DNM3: variants seen among roughly 807,000 people sequenced by gnomAD.
DNM3 encodes the protein dynamin 3.
In DNM3, 47 loss-of-function variants were observed where a neutral mutation model predicts 101.6. That is an observed-to-expected ratio of 0.46 (90% CI 0.37 to 0.59). The LOEUF is 0.59. DNM3 is among the 20% of genes least tolerant of loss of function. The pLI is 0.00. For missense variants in DNM3, 849 were observed against 1,085.7 expected (o/e 0.78, Z 3.06); for synonymous variants, 385 against 387.9 (o/e 0.99, Z 0.09).
intron 2 of DNM3, among the ~76,000 whole-genome samples, chr1:171,944,701 A>T (rs987474348): frequency 2.0e-5 from 3 of 151,850 alleles, no homozygotes; most frequent in African/African-American, 7.3e-5. Flanking sequence ...ATACAATTAA[A>T]TTTTTGTTAA....
At chr1:172,369,328 A>C (rs1177154970) in intron 17 of DNM3, among the ~76,000 whole-genome samples, 1 of 152,002 alleles carries the variant, frequency 6.6e-6, no homozygotes, top group East Asian at 1.9e-4. Flanking sequence ...ACATATACAA[A>C]TCAATAAATG....
intron 14 of DNM3, among the ~76,000 whole-genome samples, chr1:172,184,964 G>A (rs973107529): frequency 1.3e-5 from 2 of 151,980 alleles, no homozygotes; most frequent in Admixed American, 1.3e-4. Context: ...TAACAGCTGA[G>A]AATTGGAACA....
chr1:172,411,498 C>T lies in DNM3; in HGVS notation c.*3657C>T, dbSNP rs2149137122. On this transcript the variant is annotated 3_prime_UTR_variant, in exon 21 of 21. Transcript: ENST00000627582. The stretch of plus-strand genomic sequence containing the variant: ...ATTGCTGAGCTGAATCTTAAAAAGC[C>T]AAGTTGATATACATAGTCATTTTTC... 1.0e-6 allele frequency: 1 copy of T among 981,114 alleles called. No homozygotes were observed. The highest frequency in any genetic ancestry group is 5.3e-4 in the Middle Eastern group (1 of 1,904). 60.8% of individuals were successfully genotyped at this position (981,114 alleles called of 1,614,324 possible). A position where few individuals can be genotyped will look rare whatever the true frequency, so the allele number is the denominator to read the frequency against.
At chr1:172,008,892 A>C (rs1169761967) in intron 4 of DNM3, among the ~76,000 whole-genome samples, 2 of 138,034 alleles carry the variant, frequency 1.4e-5, no homozygotes, top group Non-Finnish European at 3.1e-5. Context: ...ATTATATTAA[A>C]ATATTAATAA....
chr1:171,994,717 C>CTT (rs200447773), intron 4 of DNM3, among the ~76,000 whole-genome samples: 12 of 145,758 alleles, frequency 8.2e-5, no homozygotes, highest in South Asian at 2.2e-4. Context: ...TTCTTTCTTT[C>CTT]TTTTTTTTTT....
At chr1:172,012,241 T>C (rs933547699) in intron 4 of DNM3, among the ~76,000 whole-genome samples, 1 of 152,012 alleles carries the variant, frequency 6.6e-6, no homozygotes, top group African/African-American at 2.4e-5. Context: ...TTGTCACCCT[T>C]AGGGACGTAG....
At chr1:172,266,182 TAG>T (rs2062851637) in intron 15 of DNM3, among the ~76,000 whole-genome samples, 1 of 152,210 alleles carries the variant, frequency 6.6e-6, no homozygotes, top group African/African-American at 2.4e-5. Flanking sequence ...GGAAAGAAAT[TAG>T]AGTCAGGTTG....
chr1:172,189,213 T>C lies in DNM3; in HGVS notation c.1659+57925T>C, dbSNP rs1572880959. 2.0e-5 allele frequency among the ~76,000 whole-genome samples: 3 copies of C among 152,024 alleles called. No homozygotes were observed. In the East Asian group the frequency reaches 5.8e-4, roughly 29 times the overall value. On this transcript the variant is annotated intron_variant, in intron 14 of 20. Coordinates refer to ENST00000627582, the MANE Select transcript of DNM3 (RefSeq NM_015569.5). ...CTGGGCTCTTATGTTGTTCCGTTGA[T>C]CTGTTTGCCTAGTTTTTCACCAATA...
At chr1:172,016,790 A>G (rs924708769) in intron 4 of DNM3, among the ~76,000 whole-genome samples, 1 of 152,120 alleles carries the variant, frequency 6.6e-6, no homozygotes, top group Admixed American at 6.5e-5. Context: ...GCCTGTTCCA[A>G]TCACCTATTT....
chr1:172,355,762 T>G (rs1311868529), intron 17 of DNM3, among the ~76,000 whole-genome samples: 2 of 152,082 alleles, frequency 1.3e-5, no homozygotes, highest in Non-Finnish European at 2.9e-5. Context: ...TAGGAATGTA[T>G]ATAGGACACG....
intron 13 of DNM3, among the ~76,000 whole-genome samples, chr1:172,117,061 C>G (rs896968230): frequency 2.0e-4 from 31 of 151,984 alleles, no homozygotes; most frequent in Admixed American, 2.0e-4. Flanking sequence ...CAAAATTAGC[C>G]AGGCATGGTG....
rs902602835 is a variant in DNM3 at position 172,245,636 on chromosome 1, G to A, written c.1660-7937G>A. ...CAGTGAACTGCACTCACATTTCTGGGAGACGTGTTTGCTCAGTTAGAAGTC... is the reference window on the plus strand; with the variant it reads ...CAGTGAACTGCACTCACATTTCTGGAAGACGTGTTTGCTCAGTTAGAAGTC... On this transcript the variant is annotated intron_variant, in intron 14 of 20. Coordinates refer to ENST00000627582, the MANE Select transcript of DNM3 (RefSeq NM_015569.5). 2.6e-5 allele frequency among the ~76,000 whole-genome samples: 4 copies of A among 152,332 alleles called. No individual in the cohort carries two copies. The South Asian group carries it at 6.2e-4, about 24-fold the overall frequency.
At chr1:172,012,386 G>A (rs988467523) in intron 4 of DNM3, among the ~76,000 whole-genome samples, 2 of 152,046 alleles carry the variant, frequency 1.3e-5, no homozygotes, top group African/African-American at 2.4e-5. Flanking sequence ...TCAATCACAG[G>A]TATAACCTAA....
intron 17 of DNM3, among the ~76,000 whole-genome samples, chr1:172,342,199 G>A (rs934890747): frequency 2.0e-5 from 3 of 152,172 alleles, no homozygotes; most frequent in African/African-American, 7.2e-5. Context: ...AAGCAGTGTG[G>A]CGTTTCCTCA....
chr1:172,355,472 G>A lies in DNM3; in HGVS notation c.1894-23546G>A, dbSNP rs553031179. Among the ~76,000 whole-genome samples the A allele has an allele frequency of 2.0e-5, 3 of 152,252 alleles. No homozygotes were observed. The South Asian group carries it at 6.2e-4, about 32-fold the overall frequency. On this transcript the variant is annotated intron_variant, in intron 17 of 20. Coordinates refer to ENST00000627582, the MANE Select transcript of DNM3 (RefSeq NM_015569.5). ...TATGAATAGATTAAACAGCTGGAGA[G>A]AGACTACATAAAATAGGTTCTACAC...
chr1:172,377,284 G>A (rs2068650858), intron 17 of DNM3, among the ~76,000 whole-genome samples: 1 of 151,744 alleles, frequency 6.6e-6, no homozygotes, highest in Non-Finnish European at 1.5e-5. Context: ...CTAAGGTTGT[G>A]CTACAGATCT....
chr1:172,059,103 G>T (rs1461018745), intron 10 of DNM3, among the ~76,000 whole-genome samples: 4 of 151,590 alleles, frequency 2.6e-5, no homozygotes, highest in African/African-American at 9.7e-5. Context: ...AGAAGAAATG[G>T]ATAAATTCCT....
chr1:172,197,027 T>C (rs2059976466), intron 14 of DNM3, among the ~76,000 whole-genome samples: 2 of 152,142 alleles, frequency 1.3e-5, no homozygotes, highest in Admixed American at 6.6e-5. Flanking sequence ...ATTCTAGAGT[T>C]TTTATTGTTT....
At chr1:172,152,817 G>A (rs1186956599) in intron 14 of DNM3, among the ~76,000 whole-genome samples, 1 of 151,982 alleles carries the variant, frequency 6.6e-6, no homozygotes, top group Non-Finnish European at 1.5e-5. Context: ...TGTTTAGAAG[G>A]GCCATGTTAA....
Sources: gnomAD v4.1 joint callset for allele counts (sites outside exome capture counted in the v4.1 genomes callset) on GRCh38, gnomAD v4.1.1 for gene constraint, MANE v1.5 for transcripts, NCBI Gene and HGNC (gene_info 2026-07-23, HGNC 2026-07-21) for gene names.